The following BLNK variants were observed in gnomAD, a reference collection of about 807,000 sequenced individuals.
The protein encoded by BLNK is B-cell linker protein.
Under a neutral mutation model 73.5 loss-of-function variants are expected in BLNK, and 29 were observed. The observed-to-expected ratio is 0.39, with a 90% CI of 0.29 to 0.54. The LOEUF (loss-of-function observed/expected upper bound fraction) is 0.54, where lower values mean the gene tolerates loss of function less well. Among genes scored for constraint, BLNK ranks in the 20% least tolerant of loss-of-function variants. The probability of loss-of-function intolerance (pLI) is 0.61; values close to 1 mark genes in which losing one functional copy is unlikely to be tolerated. For missense variants in BLNK, 460 were observed against 562.8 expected (o/e 0.82, Z 1.85); for synonymous variants, 176 against 200.8 (o/e 0.88, Z 1.04).
rs1312532169 is a variant in BLNK at position 96,249,930 on chromosome 10, TAGA to T, written c.48-2884_48-2882del. Among the ~76,000 whole-genome samples the T allele has an allele frequency of 7.9e-5, 12 of 152,264 alleles. No individual in the cohort carries two copies. In the East Asian group the frequency reaches 2.3e-3, roughly 29 times the overall value. On this transcript the variant is annotated intron_variant, in intron 1 of 16. Coordinates refer to ENST00000224337, the MANE Select transcript of BLNK (RefSeq NM_013314.4). ...AGGGAGGACAGGCTGGAGTGTGAAG[TAGA>T]AGGATAGGAGAAACTTCTTTTGGGA...
At chr10:96,193,772 T>C (rs1554894035) in intron 16 of BLNK, among the ~76,000 whole-genome samples, 1 of 152,188 alleles carries the variant, frequency 6.6e-6, no homozygotes. Flanking sequence ...CCAAAATAGC[T>C]GCATAAACAG....
chr10:96,262,767 G>C (rs1294401208), intron 1 of BLNK, among the ~76,000 whole-genome samples: 1 of 152,180 alleles, frequency 6.6e-6, no homozygotes, highest in Non-Finnish European at 1.5e-5. Context: ...TTTGGGCCTG[G>C]AACACACAAT....
chr10:96,192,917 G>T (rs2083365089), intron 16 of BLNK, among the ~76,000 whole-genome samples: 3 of 152,164 alleles, frequency 2.0e-5, no homozygotes, highest in Non-Finnish European at 4.4e-5. Context: ...CATGAGTTTA[G>T]CAGTTACTAT....
chr10:96,222,335 CAT>C (rs2084217045), intron 6 of BLNK, among the ~76,000 whole-genome samples: 2 of 152,216 alleles, frequency 1.3e-5, no homozygotes, highest in African/African-American at 4.8e-5. Flanking sequence ...CATTTCACAA[CAT>C]GTGTGTAAGC....
chr10:96,192,848 C>A (rs2083363524), intron 16 of BLNK, among the ~76,000 whole-genome samples: 3 of 152,154 alleles, frequency 2.0e-5, no homozygotes, highest in Admixed American at 1.3e-4. Context: ...TACAAGTTCA[C>A]ACTCATTAAA....
chr10:96,215,415 A>C lies in BLNK; in HGVS notation c.608-26T>G, dbSNP rs782747999. ...CTTAAACACAGAAATGTGTGTGTAT[A>C]TATATATATATATATACATAAAACC... is the stretch of plus-strand genomic sequence containing the variant. On this transcript the variant is annotated intron_variant, in intron 7 of 16. Coordinates refer to ENST00000224337, the MANE Select transcript of BLNK (RefSeq NM_013314.4). The C allele has an allele frequency of 3.8e-6, 3 of 798,860 alleles. No homozygotes were observed. The South Asian group carries it at 6.4e-5, about 17-fold the overall frequency. The allele number at this position is 798,860 out of a possible 1,614,324, so 49.5% of individuals were successfully genotyped here. A position where few individuals can be genotyped will look rare whatever the true frequency, so the allele number is the denominator to read the frequency against.
intron 8 of BLNK, among the ~76,000 whole-genome samples, chr10:96,213,561 A>G (rs2083995440): frequency 6.6e-6 from 1 of 152,002 alleles, no homozygotes; most frequent in Non-Finnish European, 1.5e-5. Flanking sequence ...AAGAAGCAAG[A>G]CCCGTGACAT....
chr10:96,268,546 T>C (rs1844118070), intron 1 of BLNK, among the ~76,000 whole-genome samples: 1 of 152,144 alleles, frequency 6.6e-6, no homozygotes, highest in African/African-American at 2.4e-5. Flanking sequence ...CACCTCTCTG[T>C]GGTCACAAGC....
chr10:96,246,806 C>T (rs1843061503), intron 2 of BLNK, among the ~76,000 whole-genome samples, 178 bp downstream of exon 2: 1 of 152,212 alleles, frequency 6.6e-6, no homozygotes, highest in South Asian at 2.1e-4. Flanking sequence ...ACTGCACTCA[C>T]TTGTCCTGTT....
At chr10:96,252,568 G>A (rs1843329505) in intron 1 of BLNK, among the ~76,000 whole-genome samples, 2 of 152,344 alleles carry the variant, frequency 1.3e-5, no homozygotes, top group South Asian at 4.1e-4. Flanking sequence ...AGCATAATTT[G>A]GGTGTGCGCT....
intron 8 of BLNK, among the ~76,000 whole-genome samples, chr10:96,214,810 A>G (rs587705549): frequency 6.6e-6 from 1 of 152,346 alleles, no homozygotes; most frequent in East Asian, 1.9e-4. Flanking sequence ...CCAGGCACTC[A>G]TTAAGAGTTT....
intron 8 of BLNK, 45 bp from the exon 9 acceptor site, chr10:96,209,952 G>A (rs781784183): frequency 6.2e-7 from 1 of 1,604,416 alleles, no homozygotes; most frequent in Non-Finnish European, 8.5e-7. Flanking sequence ...CCTGAGCCGG[G>A]GGCTGATGCT....
intron 8 of BLNK, 100 bp from the exon 9 acceptor site, chr10:96,210,007 A>T (rs1439730451): frequency 1.6e-6 from 2 of 1,262,628 alleles, no homozygotes; most frequent in Non-Finnish European, 2.3e-6. Flanking sequence ...ATATTTGCAC[A>T]TACTGTGTTG....
chr10:96,243,730 A>G (rs1842947889), intron 2 of BLNK, among the ~76,000 whole-genome samples: 1 of 152,246 alleles, frequency 6.6e-6, no homozygotes, highest in South Asian at 2.1e-4. Context: ...ATTCAATAAA[A>G]GAAGAAAATT....
At chr10:96,250,512 G>T (rs1157711747) in intron 1 of BLNK, among the ~76,000 whole-genome samples, 1 of 151,872 alleles carries the variant, frequency 6.6e-6, no homozygotes, top group Non-Finnish European at 1.5e-5. Flanking sequence ...CATATGGAGG[G>T]CAGAGGGCAG....
In BLNK at chr10:96,264,157, C is replaced by T. The variant is rs74999956; in HGVS notation, c.47+7195G>A. On this transcript the variant is annotated intron_variant, in intron 1 of 16. Transcript: ENST00000224337. ...CTGCCTTTGAGCGCTTAAACCTCAA[C>T]ATCTGACAGAGCAAACACAGAGAAG... Among the ~76,000 whole-genome samples the T allele has an allele frequency of 2.0e-5, 3 of 152,316 alleles. No homozygotes were observed. In the East Asian group the frequency reaches 5.8e-4, roughly 29 times the overall value.
chr10:96,200,952 A>G lies in BLNK; in HGVS notation c.1011+30T>C, dbSNP rs1018374824. ...TCTTTCCTGCAGTTTCCTGGTAACA[A>G]TTTAGTGACATCAAGAGTTCATTTC... On this transcript the variant is annotated intron_variant, in intron 14 of 16. Coordinates refer to ENST00000224337, the MANE Select transcript of BLNK (RefSeq NM_013314.4). The surrounding 1 kb of genome is among the most constrained non-coding windows in gnomAD (Gnocchi z 4.3). The G allele has an allele frequency of 1.3e-6, 2 of 1,596,086 alleles. No individual in the cohort carries two copies. Among genetic ancestry groups the G allele is most frequent in the African/African-American group, 1.3e-5 (1 of 74,620 alleles).
At chr10:96,233,800 A>G (rs186955220) in intron 3 of BLNK, among the ~76,000 whole-genome samples, 108 of 152,374 alleles carry the variant, frequency 7.1e-4, no homozygotes, top group Admixed American at 1.4e-3. Flanking sequence ...TGTACTGAAA[A>G]TAAGGCCTAT....
In BLNK at chr10:96,207,905, G is replaced by T; in HGVS notation, c.747-6C>A. On this transcript the variant is annotated splice_region_variant and splice_polypyrimidine_tract_variant and intron_variant, in intron 9 of 16. Coordinates refer to ENST00000224337, the MANE Select transcript of BLNK (RefSeq NM_013314.4). ...GTGGTGTCGTTGGTTTTTTCCTGGG[G>T]AATAAAAAGAGATGAGCTTTGTTAA... is the stretch of plus-strand genomic sequence containing the variant. 6.2e-7 allele frequency: 1 copy of T among 1,613,862 alleles called. No individual in the cohort carries two copies. Among genetic ancestry groups the T allele is most frequent in the Non-Finnish European group, 8.5e-7 (1 of 1,179,830 alleles).
Sources: allele counts gnomAD v4.1 joint callset (sites outside exome capture counted in the v4.1 genomes callset), GRCh38; gene constraint gnomAD v4.1.1; non-coding constraint Gnocchi (gnomAD v3.1); transcripts MANE v1.5; gene names NCBI Gene and HGNC (gene_info 2026-07-23, HGNC 2026-07-21).